The following PXDNL variants were observed in gnomAD, a reference collection of about 807,000 sequenced individuals.
PXDNL encodes the protein peroxidasin like, also known as probable oxidoreductase PXDNL.
A neutral mutation model predicts 150.8 loss-of-function variants in PXDNL; 145 were observed. The ratio of observed to expected loss-of-function variants is 0.96; its 90% CI spans 0.84 to 1.10. The LOEUF is 1.10. Among genes scored for constraint, PXDNL ranks in the 50% least tolerant of loss-of-function variants. PXDNL has a pLI of 0.00. For missense variants in PXDNL, 2,087 were observed against 1,873.9 expected, an observed-to-expected ratio of 1.11 and a Z score of -2.10; for synonymous variants, 757 against 725.7, an observed-to-expected ratio of 1.04 and a Z score of -0.69.
intron 6 of PXDNL, 120 bp downstream of exon 6, chr8:51,483,523 A>C (rs933206012): frequency 6.6e-5 from 46 of 696,320 alleles, no homozygotes; most frequent in Non-Finnish European, 1.5e-5. Context: ...TCTCCCTAAC[A>C]TGCTAGAATT....
intron 12 of PXDNL, among the ~76,000 whole-genome samples, chr8:51,433,190 C>A (rs1170083548): frequency 6.7e-6 from 1 of 148,702 alleles, no homozygotes; most frequent in Admixed American, 6.7e-5. Flanking sequence ...GCCTGGGTGA[C>A]AGAGTAAGAC....
chr8:51,506,782 C>T (rs1268020362), intron 4 of PXDNL, among the ~76,000 whole-genome samples: 1 of 151,972 alleles, frequency 6.6e-6, no homozygotes, highest in Non-Finnish European at 1.5e-5. Flanking sequence ...TTAGACCATC[C>T]CCTTTATTAA....
At chr8:51,383,696 T>C (rs1807613321) in intron 17 of PXDNL, among the ~76,000 whole-genome samples, 1 of 151,684 alleles carries the variant, frequency 6.6e-6, no homozygotes, top group Admixed American at 6.5e-5. Context: ...AGTCTAGCTA[T>C]ATTTTAAAAA....
At chr8:51,751,887 G>C (rs972833052) in intron 1 of PXDNL, among the ~76,000 whole-genome samples, 4 of 152,190 alleles carry the variant, frequency 2.6e-5, no homozygotes, top group Admixed American at 1.3e-4. Context: ...CTCAGGCATA[G>C]AAGTGTTCCC....
intron 2 of PXDNL, among the ~76,000 whole-genome samples, chr8:51,629,346 G>A (rs935020462): frequency 6.6e-6 from 1 of 152,072 alleles, no homozygotes; most frequent in Non-Finnish European, 1.5e-5. Context: ...CTGGAAGATA[G>A]GTCAACTGAA....
chr8:51,757,547 T>C (rs1482921867), intron 1 of PXDNL, among the ~76,000 whole-genome samples: 1 of 152,202 alleles, frequency 6.6e-6, no homozygotes, highest in Non-Finnish European at 1.5e-5. Context: ...ATATAAACTT[T>C]CATGGAGTTT....
At position 51,587,924 on chromosome 8, in the gene PXDNL, G is replaced by A. The variant is rs1211801745; in HGVS notation, c.308+4703C>T. Among the ~76,000 whole-genome samples the A allele has an allele frequency of 2.6e-5, 4 of 152,038 alleles. No individual in the cohort carries two copies. The East Asian group carries it at 5.8e-4, about 22-fold the overall frequency. ...CACCCGACCTCACAGAATCCAGTGG[G>A]GAAATCAGAAAATAAATAATTTAAC... On this transcript the variant is annotated intron_variant, in intron 3 of 22. Coordinates refer to ENST00000356297, the MANE Select transcript of PXDNL (RefSeq NM_144651.5).
intron 4 of PXDNL, among the ~76,000 whole-genome samples, chr8:51,521,112 C>T (rs1811654104): frequency 1.3e-5 from 2 of 152,052 alleles, no homozygotes. Context: ...GCATTGTATT[C>T]CTGCCTGCAG....
At chr8:51,599,849 T>A (rs1479741341) in intron 2 of PXDNL, among the ~76,000 whole-genome samples, 3 of 129,942 alleles carry the variant, frequency 2.3e-5, no homozygotes, top group African/African-American at 9.2e-5. Flanking sequence ...AAATTATACC[T>A]TATATAAATG....
At chr8:51,808,657 T>C (rs1451052500) in intron 1 of PXDNL, among the ~76,000 whole-genome samples, 4 of 152,116 alleles carry the variant, frequency 2.6e-5, no homozygotes, top group African/African-American at 9.7e-5. Flanking sequence ...TACTGGACCA[T>C]TTGAGGGTCT....
chr8:51,751,714 T>C (rs1341181360), intron 1 of PXDNL, among the ~76,000 whole-genome samples: 4 of 152,172 alleles, frequency 2.6e-5, no homozygotes, highest in Non-Finnish European at 5.9e-5. Flanking sequence ...GGGAAACAGA[T>C]GTGTGCTTTA....
At chr8:51,786,214 AT>A (rs945986846) in intron 1 of PXDNL, among the ~76,000 whole-genome samples, 141 of 149,254 alleles carry the variant, frequency 9.4e-4, no homozygotes, top group African/African-American at 1.6e-3. Flanking sequence ...TAAGAAAACA[AT>A]TTTTTTTTTT....
chr8:51,430,976 C>T (rs886514333), intron 12 of PXDNL, among the ~76,000 whole-genome samples: 6 of 152,068 alleles, frequency 3.9e-5, no homozygotes, highest in Non-Finnish European at 8.8e-5. Flanking sequence ...CTTGGAATAC[C>T]CTTCTCCTAC....
At chr8:51,790,813 TGA>T (rs2037505305) in intron 1 of PXDNL, among the ~76,000 whole-genome samples, 1 of 150,412 alleles carries the variant, frequency 6.6e-6, no homozygotes, top group African/African-American at 2.4e-5. Flanking sequence ...TGTGTGTGTG[TGA>T]GTGTTTCCAG....
intron 17 of PXDNL, among the ~76,000 whole-genome samples, chr8:51,399,793 G>A (rs1032805593): frequency 9.2e-5 from 14 of 152,154 alleles, no homozygotes; most frequent in South Asian, 6.2e-4. Context: ...ATTTAAAGAC[G>A]AAATGCATTA....
chr8:51,632,442 T>C (rs751999756), intron 2 of PXDNL, among the ~76,000 whole-genome samples: 11 of 151,796 alleles, frequency 7.2e-5, no homozygotes, highest in Non-Finnish European at 1.3e-4. Context: ...CTCTACAAAA[T>C]GTAAAGAAAA....
intron 1 of PXDNL, among the ~76,000 whole-genome samples, chr8:51,710,359 T>A (rs1403888563): frequency 6.6e-6 from 1 of 152,354 alleles, no homozygotes; most frequent in East Asian, 1.9e-4. Flanking sequence ...TACTACATGA[T>A]GCTTTGATAT....
At chr8:51,413,405 A>G in intron 14 of PXDNL, 147 bp from the exon 15 acceptor site, 3 of 592,104 alleles carry the variant, frequency 5.1e-6, no homozygotes, top group Non-Finnish European at 9.0e-6. Context: ...TATCTACATG[A>G]TAATGCCCAT....
intron 8 of PXDNL, 149 bp from the exon 9 acceptor site, chr8:51,457,816 C>G: frequency 3.6e-6 from 2 of 554,526 alleles, no homozygotes; most frequent in Non-Finnish European, 3.0e-6. Context: ...AATTATTTCA[C>G]TTTAAATCCT....
Sources: allele counts gnomAD v4.1 joint callset (sites outside exome capture counted in the v4.1 genomes callset), GRCh38; gene constraint gnomAD v4.1.1; transcripts MANE v1.5; gene names NCBI Gene and HGNC (gene_info 2026-07-23, HGNC 2026-07-21).